The following PPP2R3B variants were observed in gnomAD, a reference collection of about 807,000 sequenced individuals.
The protein encoded by PPP2R3B is serine/threonine-protein phosphatase 2A regulatory subunit B'' subunit beta.
Under a neutral mutation model 72.9 loss-of-function variants are expected in PPP2R3B, and 68 were observed. The observed-to-expected ratio is 0.93, with a 90% confidence interval of 0.77 to 1.14. The LOEUF is 1.14. Among genes scored for constraint, PPP2R3B ranks in the 50% most tolerant of loss-of-function variants. The pLI, the probability that PPP2R3B is intolerant of heterozygous loss-of-function variation, is 0.00. For missense variants in PPP2R3B, 1,018 were observed against 842.0 expected (o/e 1.21, Z -2.59); for synonymous variants, 466 against 375.8 (o/e 1.24, Z -2.78).
chrX:358,568 G>C (rs1177667887), intron 2 of PPP2R3B, among the ~76,000 whole-genome samples: 1 of 152,222 alleles, frequency 6.6e-6, no homozygotes, highest in Non-Finnish European at 1.5e-5. Context: ...GCTTCTCTGG[G>C]GCGTCGAAGA....
intron 7 of PPP2R3B, 110 bp from the exon 8 acceptor site, chrX:342,041 C>T: frequency 7.1e-7 from 1 of 1,412,220 alleles, no homozygotes; most frequent in Middle Eastern, 2.1e-4. Flanking sequence ...TGAGAGGACG[C>T]CTGGGTCTGG....
chrX:363,943 A>T (rs980556623), intron 1 of PPP2R3B, among the ~76,000 whole-genome samples: 1 of 152,250 alleles, frequency 6.6e-6, no homozygotes, highest in Non-Finnish European at 1.5e-5. Context: ...ACTGCCAAGA[A>T]CCCTGGACAG....
At chrX:334,704 C>T (rs867900463) in intron 12 of PPP2R3B, 187 bp from the exon 13 acceptor site, 57 of 678,204 alleles carry the variant, frequency 8.4e-5, no homozygotes, top group Admixed American at 1.7e-4. Context: ...CGAATGCTCC[C>T]GGGGGAGGGG....
chrX:334,295 T>C lies in PPP2R3B; in HGVS notation c.*72A>G. On this transcript the variant is annotated 3_prime_UTR_variant, in exon 13 of 13. Transcript: ENST00000390665. Reference sequence around the variant, plus strand: ...AACGCACTCATTTTCCACAACAGTTTTTACACGAGCCGCGGTGGCCCGGTG... The same window carrying C: ...AACGCACTCATTTTCCACAACAGTTCTTACACGAGCCGCGGTGGCCCGGTG... 2.1e-6 allele frequency: 3 copies of C among 1,402,568 alleles called. No individual in the cohort carries two copies. The highest frequency in any genetic ancestry group is 2.8e-6 in the Non-Finnish European group (3 of 1,075,782). The allele number at this position is 1,402,568 out of a possible 1,614,324, so 86.9% of individuals were successfully genotyped here.
intron 1 of PPP2R3B, among the ~76,000 whole-genome samples, chrX:375,816 A>AGGTGACACATGCCCTGTCCTGCCACGCTG (rs2071979701): frequency 6.6e-6 from 1 of 151,430 alleles, no homozygotes; most frequent in African/African-American, 2.4e-5. Context: ...CTGCCACGCC[A>AGGTGACACATGCCCTGTCCTGCCACGCTG]GGTGACACAC....
chrX:360,090 T>C (rs1049246584), intron 2 of PPP2R3B, among the ~76,000 whole-genome samples: 13 of 152,180 alleles, frequency 8.5e-5, no homozygotes, highest in African/African-American at 3.1e-4. Context: ...AGCACTGTCT[T>C]CTCTGTGAAT....
intron 1 of PPP2R3B, among the ~76,000 whole-genome samples, chrX:366,627 GGC>G (rs2071713820): frequency 6.1e-5 from 1 of 16,354 alleles, no homozygotes; most frequent in Non-Finnish European, 1.0e-4. Context: ...CAACACAGGA[GGC>G]AGAGGTTGCA....
At position 377,865 on chromosome X, in the gene PPP2R3B, G is replaced by A. The variant is rs1320522342; in HGVS notation, c.324+8503C>T. On this transcript the variant is annotated intron_variant, in intron 1 of 12. Coordinates refer to ENST00000390665, the MANE Select transcript of PPP2R3B (RefSeq NM_013239.5). Reference sequence around the variant, plus strand: ...CGGGCCGTCCACACCCAGTGGGTCCGCCGTGGGGCTGTCTATACACTACTG... The same window carrying A: ...CGGGCCGTCCACACCCAGTGGGTCCACCGTGGGGCTGTCTATACACTACTG... Among the ~76,000 whole-genome samples, 36 of 74,308 alleles carry A rather than the reference G, an allele frequency of 4.8e-4. 1 individual carries two copies. Among genetic ancestry groups the A allele is most frequent in the East Asian group, 7.8e-4 (2 of 2,550 alleles). The allele number at this position is 74,308 out of a possible 152,430, so 48.7% of individuals were successfully genotyped here. A position where few individuals can be genotyped will look rare whatever the true frequency, so the allele number is the denominator to read the frequency against.
At position 363,697 on chromosome X, in the gene PPP2R3B, A is replaced by G. The variant is rs373533364; in HGVS notation, c.325-2107T>C. Among the ~76,000 whole-genome samples the G allele has an allele frequency of 1.5e-3, 183 of 123,876 alleles. 1 individual carries two copies. The highest frequency in any genetic ancestry group is 4.7e-3 in the East Asian group (13 of 2,768). The allele number at this position is 123,876 out of a possible 152,430, so 81.3% of individuals were successfully genotyped here. A position where few individuals can be genotyped will look rare whatever the true frequency, so the allele number is the denominator to read the frequency against. ...TGCATCTCCCCAAGCCCGCGATCCC[A>G]CAGTGCATCTTCCCGAGCCCACAAC... On this transcript the variant is annotated intron_variant, in intron 1 of 12. Coordinates refer to ENST00000390665, the MANE Select transcript of PPP2R3B (RefSeq NM_013239.5).
At chrX:341,537 G>T in intron 8 of PPP2R3B, 141 bp from the exon 9 acceptor site, 2 of 860,308 alleles carry the variant, frequency 2.3e-6, no homozygotes, top group Non-Finnish European at 3.8e-6. Context: ...CCCTCCTCCT[G>T]CCTCTCCGGG....
intron 12 of PPP2R3B, chrX:338,367 G>A (rs1351464806): frequency 8.3e-6 from 5 of 602,248 alleles, no homozygotes; most frequent in Non-Finnish European, 1.5e-5. Flanking sequence ...CAGGATCACA[G>A]AACCCCACGC....
chrX:356,805 C>T (rs2071442409), intron 2 of PPP2R3B, among the ~76,000 whole-genome samples: 1 of 151,466 alleles, frequency 6.6e-6, no homozygotes, highest in Non-Finnish European at 1.5e-5. Flanking sequence ...ACAGTATCCA[C>T]ACCCTGGCCA....
At chrX:384,524 A>G (rs1432617687) in intron 1 of PPP2R3B, among the ~76,000 whole-genome samples, 3 of 151,920 alleles carry the variant, frequency 2.0e-5, no homozygotes, top group African/African-American at 7.3e-5. Context: ...CGAACTCCTG[A>G]ACTCAAGTGA....
chrX:343,987 A>AACGGGAGGCGGGAGGGAGACCTCAGCC (rs2071134751), intron 7 of PPP2R3B, among the ~76,000 whole-genome samples: 1 of 123,114 alleles, frequency 8.1e-6, no homozygotes, highest in Admixed American at 7.6e-5. Flanking sequence ...AGACCTCAGC[A>AACGGGAGGCGGGAGGGAGACCTCAGCC]ACGGGAGGCG....
chrX:343,968 G>A (rs1421221861), intron 7 of PPP2R3B, among the ~76,000 whole-genome samples: 1 of 119,642 alleles, frequency 8.4e-6, no homozygotes, highest in African/African-American at 3.3e-5. Flanking sequence ...GCAACGGGAG[G>A]CGGGAGGGAG....
chrX:354,949 G>A (rs1487658266), intron 2 of PPP2R3B, among the ~76,000 whole-genome samples: 5 of 152,206 alleles, frequency 3.3e-5, no homozygotes, highest in Admixed American at 1.3e-4. Context: ...CGTCACGGAC[G>A]ACTTGAGCCC....
intron 1 of PPP2R3B, among the ~76,000 whole-genome samples, chrX:379,095 G>A (rs1199752052): frequency 1.3e-5 from 2 of 151,246 alleles, no homozygotes; most frequent in Admixed American, 1.3e-4. Flanking sequence ...ACCTACGTGT[G>A]TGTGTATGCA....
intron 2 of PPP2R3B, among the ~76,000 whole-genome samples, chrX:360,737 CG>C: frequency 6.6e-6 from 1 of 152,242 alleles, no homozygotes; most frequent in South Asian, 2.1e-4. Context: ...GCTGGAGATG[CG>C]GGCACAGGTC....
rs1180753077 is a variant in PPP2R3B at position 334,241 on chromosome X, G to A, written c.*126C>T. 6.9e-6 allele frequency: 8 copies of A among 1,157,628 alleles called. No homozygotes were observed. Among genetic ancestry groups the A allele is most frequent in the Non-Finnish European group, 9.1e-6 (8 of 882,294 alleles). 71.7% of individuals were successfully genotyped at this position (1,157,628 alleles called of 1,614,324 possible). A position where few individuals can be genotyped will look rare whatever the true frequency, so the allele number is the denominator to read the frequency against. ...ACAGCGGCAATCAACACGCTTCTGT[G>A]AATAAATAAAAGTTTATCATTCCGT... On this transcript the variant is annotated 3_prime_UTR_variant, in exon 13 of 13. Coordinates refer to ENST00000390665, the MANE Select transcript of PPP2R3B (RefSeq NM_013239.5).
Sources: allele counts gnomAD v4.1 joint callset (sites outside exome capture counted in the v4.1 genomes callset), GRCh38; gene constraint gnomAD v4.1.1; transcripts MANE v1.5; gene names NCBI Gene and HGNC (gene_info 2026-07-23, HGNC 2026-07-21).